The following WWOX variants were observed in gnomAD, a reference collection of about 807,000 sequenced individuals.
The protein encoded by WWOX is WW domain-containing oxidoreductase.
A neutral mutation model predicts 46.2 loss-of-function variants in WWOX; 69 were observed. That is an observed-to-expected ratio of 1.49 (90% CI 1.23 to 1.82). The LOEUF is 1.82. Ranked by LOEUF, WWOX falls within the 40% of genes most tolerant of loss-of-function variation. WWOX has a pLI of 0.00. For missense variants in WWOX, 919 were observed against 542.6 expected (o/e 1.69, Z -6.89); for synonymous variants, 359 against 202.6 (o/e 1.77, Z -6.56).
intron 5 of WWOX, among the ~76,000 whole-genome samples, chr16:78,304,907 A>G (rs2080104167): frequency 6.6e-6 from 1 of 151,116 alleles, no homozygotes; most frequent in Non-Finnish European, 1.5e-5. Flanking sequence ...CTCACTATCC[A>G]TTTTTCTTCC....
intron 6 of WWOX, among the ~76,000 whole-genome samples, chr16:78,410,418 CT>C (rs2151949469): frequency 6.6e-6 from 1 of 152,116 alleles, no homozygotes; most frequent in African/African-American, 2.4e-5. Context: ...CTTTGGGGGA[CT>C]TTTATTTTTC....
chr16:78,860,149 G>A (rs1378591943), intron 8 of WWOX, among the ~76,000 whole-genome samples: 1 of 152,038 alleles, frequency 6.6e-6, no homozygotes, highest in Non-Finnish European at 1.5e-5. Flanking sequence ...TTATTCCATC[G>A]CCCATATCCT....
intron 5 of WWOX, among the ~76,000 whole-genome samples, chr16:78,189,757 C>G (rs1261220384): frequency 9.2e-5 from 14 of 152,124 alleles, no homozygotes; most frequent in Non-Finnish European, 1.8e-4. Context: ...CAAGTTCAAG[C>G]GATTCTCCTG....
At chr16:78,136,581 T>C (rs530862866) in intron 4 of WWOX, among the ~76,000 whole-genome samples, 1 of 152,344 alleles carries the variant, frequency 6.6e-6, no homozygotes, top group East Asian at 1.9e-4. Flanking sequence ...TGTGTAGCCG[T>C]GTTATTCTTA....
intron 8 of WWOX, among the ~76,000 whole-genome samples, chr16:79,055,219 G>A (rs1017915965): frequency 6.6e-6 from 1 of 152,164 alleles, no homozygotes; most frequent in Non-Finnish European, 1.5e-5. Flanking sequence ...GCTGTTTTCT[G>A]TTATTTTGGT....
At chr16:78,293,987 A>AAAAAAAAAAC (rs2079901707) in intron 5 of WWOX, among the ~76,000 whole-genome samples, 1 of 148,316 alleles carries the variant, frequency 6.7e-6, no homozygotes. Context: ...AGAAAAAAAA[A>AAAAAAAAAAC]AAAAAAAAAA....
Position 78,894,320 on chromosome 16 carries a change from C to G in WWOX, c.1057-317288C>G, listed in dbSNP as rs374524292. ...TGGGTTAATGGGAATATTTTAGACT[C>G]AAGCCTGGTTCTTTGCTTCTCTCCA... On this transcript the variant is annotated intron_variant, in intron 8 of 8. Coordinates refer to ENST00000566780, the MANE Select transcript of WWOX (RefSeq NM_016373.4). Among the ~76,000 whole-genome samples, 4 of 152,060 alleles carry G rather than the reference C, an allele frequency of 2.6e-5. No homozygotes were observed. In the East Asian group the frequency reaches 7.7e-4, roughly 29 times the overall value.
intron 8 of WWOX, among the ~76,000 whole-genome samples, chr16:78,609,436 C>T (rs905948248): frequency 6.6e-6 from 1 of 150,956 alleles, no homozygotes; most frequent in African/African-American, 2.4e-5. Context: ...AGCGATAGTC[C>T]TATTTTCTAA....
chr16:78,585,892 C>A (rs935686905), intron 8 of WWOX, among the ~76,000 whole-genome samples: 1 of 151,908 alleles, frequency 6.6e-6, no homozygotes, highest in Non-Finnish European at 1.5e-5. Flanking sequence ...AGCTGCGCAT[C>A]TTCCTTCCCT....
In WWOX at chr16:78,425,049, C is replaced by A; in HGVS notation, c.785C>A (p.Ser262Tyr). 6.2e-7 allele frequency: 1 copy of A among 1,613,684 alleles called. No individual in the cohort carries two copies. Among genetic ancestry groups the A allele is most frequent in the Non-Finnish European group, 8.5e-7 (1 of 1,180,014 alleles). ...CGTGTCATTGTGGTCTCCTCAGAGTCCCATCGGTGGGTTTGAATTGCATAT... is the reference window on the plus strand; with the variant it reads ...CGTGTCATTGTGGTCTCCTCAGAGTACCATCGGTGGGTTTGAATTGCATAT... ...PARVIVVSSE[S>Y]HRFTDINDSL... Residue 262 changes from serine to tyrosine, a missense_variant, in exon 7 of 9, where the codon TCC becomes TAC. Ser to Tyr is a moderately radical substitution (Grantham distance 144). Transcript: ENST00000566780.
intron 8 of WWOX, among the ~76,000 whole-genome samples, chr16:78,658,331 A>C (rs907228835): frequency 2.0e-5 from 3 of 152,226 alleles, no homozygotes; most frequent in African/African-American, 7.2e-5. Flanking sequence ...CTACTTTACT[A>C]ATGGTCATTA....
At chr16:78,803,586 C>T (rs111482256) in intron 8 of WWOX, among the ~76,000 whole-genome samples, 5,976 of 152,106 alleles carry the variant, frequency 0.039, 405 homozygotes, top group African/African-American at 0.14. Flanking sequence ...AGCTTAGAAC[C>T]ACAGGCATAT....
chr16:79,121,813 C>G (rs779053707), intron 8 of WWOX, among the ~76,000 whole-genome samples: 1 of 152,078 alleles, frequency 6.6e-6, no homozygotes, highest in Non-Finnish European at 1.5e-5. Flanking sequence ...CCACTCATCC[C>G]TAATAATAAA....
At chr16:78,715,438 T>C (rs921999777) in intron 8 of WWOX, among the ~76,000 whole-genome samples, 4 of 152,114 alleles carry the variant, frequency 2.6e-5, no homozygotes, top group African/African-American at 9.7e-5. Flanking sequence ...TAGGAATTTT[T>C]ACCAGCTGGG....
chr16:78,557,243 T>G (rs2151552045), intron 8 of WWOX, among the ~76,000 whole-genome samples: 1 of 152,234 alleles, frequency 6.6e-6, no homozygotes, highest in East Asian at 1.9e-4. Context: ...ATTATTTACC[T>G]TAAGACCTGA....
intron 8 of WWOX, among the ~76,000 whole-genome samples, chr16:78,924,643 T>A (rs2045457479): frequency 6.6e-6 from 1 of 152,246 alleles, no homozygotes; most frequent in Non-Finnish European, 1.5e-5. Context: ...AGTGTTAATT[T>A]ACTCCACGAT....
At chr16:78,273,793 C>T (rs1403665708) in intron 5 of WWOX, among the ~76,000 whole-genome samples, 5 of 152,220 alleles carry the variant, frequency 3.3e-5, no homozygotes, top group African/African-American at 1.2e-4. Context: ...TAGTTTGGGA[C>T]TTCTGGCTTG....
chr16:78,159,973 G>C (rs2034736957), intron 4 of WWOX, among the ~76,000 whole-genome samples: 2 of 151,648 alleles, frequency 1.3e-5, no homozygotes, highest in Middle Eastern at 3.4e-3. Context: ...TGTCATTCTT[G>C]CTAGCCCTTT....
intron 8 of WWOX, chr16:78,896,834 A>G (rs1036895892): frequency 4.6e-5 from 7 of 152,124 alleles, no homozygotes; most frequent in Admixed American, 2.6e-4. Context: ...TACATAATTT[A>G]TGTTCTATAA....
Sources: allele counts gnomAD v4.1 joint callset (sites outside exome capture counted in the v4.1 genomes callset), GRCh38; gene constraint gnomAD v4.1.1; transcripts MANE v1.5; gene names NCBI Gene and HGNC (gene_info 2026-07-23, HGNC 2026-07-21).